The following PLEKHA1 variants were observed in gnomAD, a reference collection of about 807,000 sequenced individuals.
PLEKHA1 encodes the protein pleckstrin homology domain containing A1, also known as pleckstrin homology domain-containing family A member 1.
A neutral mutation model predicts 52.0 loss-of-function variants in PLEKHA1; 34 were observed. The ratio of observed to expected loss-of-function variants is 0.65; its 90% CI spans 0.50 to 0.87. PLEKHA1 has a LOEUF of 0.87. Among genes scored for constraint, PLEKHA1 ranks in the 40% least tolerant of loss-of-function variants. The probability of loss-of-function intolerance (pLI) is 0.00; values close to 1 mark genes in which losing one functional copy is unlikely to be tolerated. For missense variants in PLEKHA1, 497 were observed against 504.2 expected (o/e 0.99, Z 0.14); for synonymous variants, 163 against 170.7 (o/e 0.95, Z 0.35).
chr10:122,409,685 A>C (rs766527721), intron 5 of PLEKHA1, among the ~76,000 whole-genome samples: 1 of 152,212 alleles, frequency 6.6e-6, no homozygotes, highest in South Asian at 2.1e-4. Context: ...AAGTAGATGT[A>C]GAATTCTCAG....
rs539602989 is a variant in PLEKHA1 at position 122,404,896 on chromosome 10, C to G, written c.245-1680C>G. On this transcript the variant is annotated intron_variant, in intron 4 of 11. Transcript: ENST00000368990. ...GTTTTCCTTGAGAGTTTGCATTTCC[C>G]CTTCTCAGTCACATTGAACTGTGTG... 5.9e-5 allele frequency among the ~76,000 whole-genome samples: 9 copies of G among 152,296 alleles called. No homozygotes were observed. The East Asian group carries it at 1.7e-3, about 29-fold the overall frequency.
chr10:122,414,373 A>C (rs1055757611), intron 6 of PLEKHA1, among the ~76,000 whole-genome samples: 1 of 152,124 alleles, frequency 6.6e-6, no homozygotes, highest in Non-Finnish European at 1.5e-5. Flanking sequence ...ATTTTATTGC[A>C]TCATTTATTT....
At chr10:122,426,816 G>T in intron 10 of PLEKHA1, 126 bp from the exon 11 acceptor site, 1 of 851,668 alleles carries the variant, frequency 1.2e-6, no homozygotes, top group Non-Finnish European at 1.8e-6. Context: ...AAATTTTTTG[G>T]AAACAGTTGC....
intron 5 of PLEKHA1, chr10:122,411,691 T>C (rs926777474): frequency 3.9e-5 from 6 of 152,216 alleles, no homozygotes; most frequent in African/African-American, 1.4e-4. Context: ...GGTGATACTT[T>C]ATGCACTCTA....
intron 6 of PLEKHA1, among the ~76,000 whole-genome samples, chr10:122,415,394 A>C (rs2133154293): frequency 6.6e-6 from 1 of 152,336 alleles, no homozygotes; most frequent in East Asian, 1.9e-4. Flanking sequence ...TACACATGTG[A>C]TAAAACTGCA....
chr10:122,425,995 A>C (rs537432945), intron 10 of PLEKHA1, among the ~76,000 whole-genome samples: 1 of 152,188 alleles, frequency 6.6e-6, no homozygotes, highest in Admixed American at 6.5e-5. Flanking sequence ...ATTATCTGAA[A>C]ACCTTTTAGA....
At position 122,431,152 on chromosome 10, in the gene PLEKHA1, G is replaced by C. The variant is rs1172391805; in HGVS notation, c.*1214G>C. The C allele has an allele frequency of 6.6e-6, 1 of 150,580 alleles. No homozygotes were observed. Among genetic ancestry groups the C allele is most frequent in the Non-Finnish European group, 1.5e-5 (1 of 67,864 alleles). The allele number at this position is 150,580 out of a possible 1,614,324, so 9.3% of individuals were successfully genotyped here. A position where few individuals can be genotyped will look rare whatever the true frequency, so the allele number is the denominator to read the frequency against. On this transcript the variant is annotated 3_prime_UTR_variant, in exon 12 of 12. Transcript: ENST00000368990. ...TTTTTTTTTTTGGAGACGGGCTCTC[G>C]CTCTGTTGCTCAGGCTGGAGTGCAG...
intron 8 of PLEKHA1, chr10:122,420,189 C>T (rs760993763): frequency 6.6e-6 from 1 of 152,052 alleles, no homozygotes; most frequent in East Asian, 1.9e-4. Context: ...TTGGTGGCTC[C>T]AAGTCAAAAA....
At chr10:122,423,072 T>A (rs544478885) in intron 8 of PLEKHA1, 8 of 151,960 alleles carry the variant, frequency 5.3e-5, no homozygotes, top group Non-Finnish European at 1.2e-4. Context: ...TATTTCAAAA[T>A]TAAACTATTT....
At chr10:122,375,214 G>A (rs1395311494) in intron 1 of PLEKHA1, among the ~76,000 whole-genome samples, 2 of 152,068 alleles carry the variant, frequency 1.3e-5, no homozygotes, top group Non-Finnish European at 2.9e-5. Context: ...CCCGCTCGGG[G>A]CGCGGTGCGC....
intron 3 of PLEKHA1, among the ~76,000 whole-genome samples, chr10:122,399,402 ATCT>A (rs1370045403): frequency 6.6e-6 from 1 of 152,144 alleles, no homozygotes; most frequent in Non-Finnish European, 1.5e-5. Flanking sequence ...TAGTTGCCTC[ATCT>A]TCTAAAATGA....
chr10:122,413,652 G>A (rs2097136488), intron 6 of PLEKHA1, among the ~76,000 whole-genome samples: 1 of 152,024 alleles, frequency 6.6e-6, no homozygotes, highest in African/African-American at 2.4e-5. Context: ...GCTAAATTAA[G>A]TCTTTATTTG....
intron 2 of PLEKHA1, among the ~76,000 whole-genome samples, chr10:122,394,298 ACTC>A (rs1434943049): frequency 1.3e-5 from 2 of 150,940 alleles, no homozygotes; most frequent in African/African-American, 4.9e-5. Flanking sequence ...CTGGTGTTGA[ACTC>A]CTGATGTCAG....
chr10:122,431,354 A>T lies in PLEKHA1; in HGVS notation c.*1416A>T, dbSNP rs896024229. 1 of 152,696 alleles carries T rather than the reference A, an allele frequency of 6.5e-6. No individual in the cohort carries two copies. Among genetic ancestry groups the T allele is most frequent in the Non-Finnish European group, 1.5e-5 (1 of 68,118 alleles). The allele number at this position is 152,696 out of a possible 1,614,324, so 9.5% of individuals were successfully genotyped here. A position where few individuals can be genotyped will look rare whatever the true frequency, so the allele number is the denominator to read the frequency against. On this transcript the variant is annotated 3_prime_UTR_variant, in exon 12 of 12. Coordinates refer to ENST00000368990, the MANE Select transcript of PLEKHA1 (RefSeq NM_001001974.4). ...AGGCTCGTCTCGAACTCCTGACTTC[A>T]GGTGATCCACCCATCTCAGCCTCCC...
At chr10:122,425,267 TTTTTC>T (rs1334554361) in intron 10 of PLEKHA1, 2 of 213,700 alleles carry the variant, frequency 9.4e-6, no homozygotes, top group South Asian at 1.8e-4. Flanking sequence ...AGAATTTTGA[TTTTTC>T]TATTATATCA....
intron 1 of PLEKHA1, among the ~76,000 whole-genome samples, chr10:122,381,257 G>A (rs961921315): frequency 6.6e-6 from 1 of 152,156 alleles, no homozygotes; most frequent in African/African-American, 2.4e-5. Context: ...CAAGTGGTGA[G>A]AAGTAGGATT....
At chr10:122,410,072 C>T (rs758411967) in intron 5 of PLEKHA1, among the ~76,000 whole-genome samples, 4 of 152,252 alleles carry the variant, frequency 2.6e-5, no homozygotes, top group South Asian at 2.1e-4. Context: ...CGTGAGCCAC[C>T]GCGCCTAGCC....
chr10:122,440,031 CT>C, the PLEKHA1 span: 1 of 152,174 alleles, frequency 6.6e-6, no homozygotes, highest in Non-Finnish European at 1.5e-5. Context: ...CCACTTTGTT[CT>C]TCAACTCAAA....
downstream of PLEKHA1, chr10:122,433,519 G>A (rs1270849422): frequency 1.4e-5 from 1 of 69,772 alleles, no homozygotes; most frequent in Non-Finnish European, 2.7e-5. Context: ...AAACACATAG[G>A]CTTAGTGTTC....
Sources: gnomAD v4.1 joint callset for allele counts (sites outside exome capture counted in the v4.1 genomes callset) on GRCh38, gnomAD v4.1.1 for gene constraint, MANE v1.5 for transcripts, NCBI Gene and HGNC (gene_info 2026-07-23, HGNC 2026-07-21) for gene names.